PIMREG: variants seen among roughly 807,000 people sequenced by gnomAD.
PIMREG encodes the protein PICALM interacting mitotic regulator, also known as protein PIMREG.
A neutral mutation model predicts 24.3 loss-of-function variants in PIMREG; 19 were observed. The ratio of observed to expected loss-of-function variants is 0.78; its 90% CI spans 0.54 to 1.15. The LOEUF (loss-of-function observed/expected upper bound fraction) is 1.15. Among genes scored for constraint, PIMREG ranks in the 50% most tolerant of loss-of-function variants. The pLI is 0.00. For missense variants in PIMREG, 283 were observed against 306.8 expected (o/e 0.92, Z 0.58); for synonymous variants, 112 against 124.1 (o/e 0.90, Z 0.65).
At position 6,444,731 on chromosome 17, in the gene PIMREG, C is replaced by G. The variant is rs1223994806; in HGVS notation, c.-36+243C>G. ...TGGGCGGGTGCGCGTTTGGTCTGGG[C>G]GAGCTGGTGAAGAAGATGGTGATCG... is the stretch of plus-strand genomic sequence containing the variant. On this transcript the variant is annotated intron_variant, in intron 1 of 5. Coordinates refer to ENST00000572447, the MANE Select transcript of PIMREG (RefSeq NM_019013.3). The surrounding 1 kb of genome is among the most constrained non-coding windows in gnomAD (Gnocchi z 4.3). Among the ~76,000 whole-genome samples, 1 of 151,974 alleles carries G rather than the reference C, an allele frequency of 6.6e-6. No individual in the cohort carries two copies. The highest frequency in any genetic ancestry group is 1.5e-5 in the Non-Finnish European group (1 of 67,996).
At chr17:6,449,204 C>A in intron 3 of PIMREG, 108 bp from the exon 4 acceptor site, 2 of 852,510 alleles carry the variant, frequency 2.3e-6, no homozygotes, top group Non-Finnish European at 3.6e-6. Flanking sequence ...TGAAGCCCAG[C>A]CCGCCAGGGT....
At chr17:6,446,424 G>C (rs56264766) in intron 2 of PIMREG, among the ~76,000 whole-genome samples, 26 of 152,002 alleles carry the variant, frequency 1.7e-4, no homozygotes, top group Non-Finnish European at 3.2e-4. Context: ...CCAAATGTTA[G>C]TCCTTATTTG....
rs940897642 is a variant in PIMREG, at chr17:6,450,412, C to T, written c.*65C>T. 1.3e-6 allele frequency: 2 copies of T among 1,570,650 alleles called. No homozygotes were observed. The highest frequency in any genetic ancestry group is 1.8e-5 in the Admixed American group (1 of 55,580). On this transcript the variant is annotated 3_prime_UTR_variant, in exon 6 of 6. Coordinates refer to ENST00000572447, the MANE Select transcript of PIMREG (RefSeq NM_019013.3). Reference sequence around the variant, plus strand: ...GGCTTCATACTCAAGGATGTCTATGCTTCCCCGTGAGCTTCCTGGAAAAAA... The same window carrying T: ...GGCTTCATACTCAAGGATGTCTATGTTTCCCCGTGAGCTTCCTGGAAAAAA...
At position 6,445,309 on chromosome 17, in the gene PIMREG, C is replaced by T. The variant is rs779235053; in HGVS notation, c.199C>T (p.Pro67Ser). 1.2e-6 allele frequency: 2 copies of T among 1,613,982 alleles called. No homozygotes were observed. Among genetic ancestry groups the T allele is most frequent in the Non-Finnish European group, 8.5e-7 (1 of 1,180,022 alleles). The change falls in exon 2 of 6, where the codon CCC (proline) becomes TCC (serine). Residue 67 changes from proline to serine, a missense_variant. Coordinates refer to ENST00000572447, the MANE Select transcript of PIMREG (RefSeq NM_019013.3). ...RAVNLNLRAG[P>S]SWKRLETPEP... ...CGTCAACCTCAACCTCCGCGCAGGGCCCTCCTGGAAACGCCTGGAAACCCC... is the reference window on the plus strand; with the variant it reads ...CGTCAACCTCAACCTCCGCGCAGGGTCCTCCTGGAAACGCCTGGAAACCCC...
chr17:6,446,021 C>G lies in PIMREG; in HGVS notation c.294+617C>G, dbSNP rs117970672. On this transcript the variant is annotated intron_variant, in intron 2 of 5. Transcript: ENST00000572447. The stretch of plus-strand genomic sequence containing the variant: ...GTCTAATTAGCATATTAGAATTTGC[C>G]CTTTAGCTACATGATGGAGAAGGGA... 417 of 400,974 alleles carry G rather than the reference C, an allele frequency of 1.0e-3. 1 individual carries two copies. The highest frequency in any genetic ancestry group is 4.7e-3 in the East Asian group (131 of 28,064). 24.8% of individuals were successfully genotyped at this position (400,974 alleles called of 1,614,324 possible). A position where few individuals can be genotyped will look rare whatever the true frequency, so the allele number is the denominator to read the frequency against.
In PIMREG at chr17:6,451,134, T is replaced by C. The variant is rs1271542926; in HGVS notation, c.*787T>C. Reference sequence around the variant, plus strand: ...CCCACACCACTCTGGGCTATAGATTTGTAATTTGTGGTTTGGGGTCTGGCC... The same window carrying C: ...CCCACACCACTCTGGGCTATAGATTCGTAATTTGTGGTTTGGGGTCTGGCC... On this transcript the variant is annotated 3_prime_UTR_variant, in exon 6 of 6. Coordinates refer to ENST00000572447, the MANE Select transcript of PIMREG (RefSeq NM_019013.3). 1 of 152,180 alleles carries C rather than the reference T, an allele frequency of 6.6e-6. No individual in the cohort carries two copies. Among genetic ancestry groups the C allele is most frequent in the Non-Finnish European group, 1.5e-5 (1 of 68,038 alleles). The allele number at this position is 152,180 out of a possible 1,614,324, so 9.4% of individuals were successfully genotyped here.
rs773771421 is a variant in PIMREG at position 6,447,652 on chromosome 17, C to T, written c.484C>T (p.Arg162Cys). 160 of 1,614,034 alleles carry T rather than the reference C, an allele frequency of 9.9e-5. No homozygotes were observed. In the East Asian group the frequency reaches 2.8e-3, roughly 28 times the overall value. Residue 162 changes from arginine to cysteine, a missense_variant, in exon 3 of 6, where the codon CGC (arginine) becomes TGC (cysteine). Arg to Cys is a radical substitution (Grantham distance 180). Transcript: ENST00000572447. ...AADPWEKEHHRLSVRMGSHAH... is the reference protein window; with the variant it reads ...AADPWEKEHHCLSVRMGSHAH... ...AGACCCCTGGGAGAAGGAGCATCAC[C>T]GCCTCTCTGTCCGGATGGGCTCACA...
At position 6,450,370 on chromosome 17, in the gene PIMREG, C is replaced by A. The variant is rs1913778584; in HGVS notation, c.*23C>A. 3 of 1,561,978 alleles carry A rather than the reference C, an allele frequency of 1.9e-6. No individual in the cohort carries two copies. The highest frequency in any genetic ancestry group is 2.3e-5 in the South Asian group (2 of 85,928). ...GCAGCTCTGTCTTGAAGGAAACAAG[C>A]CCTGTCTGACCGCCAAGGCTTCATA... On this transcript the variant is annotated 3_prime_UTR_variant, in exon 6 of 6. Coordinates refer to ENST00000572447, the MANE Select transcript of PIMREG (RefSeq NM_019013.3).
At position 6,444,997 on chromosome 17, in the gene PIMREG, C is replaced by T. The variant is rs940533390; in HGVS notation, c.-35-79C>T. 1.7e-6 allele frequency: 2 copies of T among 1,147,622 alleles called. No homozygotes were observed. Among genetic ancestry groups the T allele is most frequent in the African/African-American group, 3.1e-5 (2 of 64,258 alleles). The allele number at this position is 1,147,622 out of a possible 1,614,324, so 71.1% of individuals were successfully genotyped here. A position where few individuals can be genotyped will look rare whatever the true frequency, so the allele number is the denominator to read the frequency against. On this transcript the variant is annotated intron_variant, in intron 1 of 5. Transcript: ENST00000572447. This position sits in a 1 kb window ranked among gnomAD's most constrained non-coding sequence, Gnocchi z 4.3. Reference sequence around the variant, plus strand: ...ACCCCGCTGCATCCCGTCTCTTCCCCTGTGTCCAGGGTCTCTGTGGGGCCT... The same window carrying T: ...ACCCCGCTGCATCCCGTCTCTTCCCTTGTGTCCAGGGTCTCTGTGGGGCCT...
Position 6,447,443 on chromosome 17 carries a change from T to G in PIMREG, c.295-20T>G. ...ACTTTTGGTTTTGTCTGTGCTAACC[T>G]TTCCATTTGCCTGTTCCAGAGAATC... On this transcript the variant is annotated intron_variant, in intron 2 of 5. Transcript: ENST00000572447. The G allele has an allele frequency of 6.2e-7, 1 of 1,610,118 alleles. No individual in the cohort carries two copies. The highest frequency in any genetic ancestry group is 8.5e-7 in the Non-Finnish European group (1 of 1,177,330).
chr17:6,448,172 C>G (rs1004270166), intron 3 of PIMREG, among the ~76,000 whole-genome samples: 10 of 149,044 alleles, frequency 6.7e-5, no homozygotes, highest in Admixed American at 6.1e-4. Context: ...AATCCCAGCT[C>G]CTTGGGAGGT....
chr17:6,449,259 C>T lies in PIMREG; in HGVS notation c.591-53C>T, dbSNP rs530447444. 3 of 1,515,366 alleles carry T rather than the reference C, an allele frequency of 2.0e-6. No individual in the cohort carries two copies. The South Asian group carries it at 3.7e-5, about 19-fold the overall frequency. 93.9% of individuals were successfully genotyped at this position (1,515,366 alleles called of 1,614,324 possible). A position where few individuals can be genotyped will look rare whatever the true frequency, so the allele number is the denominator to read the frequency against. ...CACCCCGGTACCGGGTTGCAAGGGT[C>T]TCCTGCCGGGAGTTTCCAACTAGTC... On this transcript the variant is annotated intron_variant, in intron 3 of 5. Transcript: ENST00000572447.
Position 6,445,308 on chromosome 17 carries a change from G to A in PIMREG, c.198G>A (p.Gly66=), listed in dbSNP as rs567814545. Residue 66 remains glycine, a synonymous_variant, in exon 2 of 6, where the codon GGG becomes GGA. Transcript: ENST00000572447. ...CCGTCAACCTCAACCTCCGCGCAGG[G>A]CCCTCCTGGAAACGCCTGGAAACCC... ...LRAVNLNLRA[G]PSWKRLETPE... The A allele has an allele frequency of 6.2e-7, 1 of 1,614,110 alleles. No homozygotes were observed. The highest frequency in any genetic ancestry group is 1.3e-5 in the African/African-American group (1 of 75,014).
intron 2 of PIMREG, chr17:6,446,188 G>GT: frequency 2.5e-6 from 1 of 401,228 alleles, no homozygotes; most frequent in East Asian, 3.6e-5. Flanking sequence ...TATATTGGAT[G>GT]TAAGTGTCTG....
At chr17:6,449,631 T>C in intron 4 of PIMREG, 1 of 1,296,866 alleles carries the variant, frequency 7.7e-7, no homozygotes, top group Non-Finnish European at 1.0e-6. Context: ...TTCTGGGCCT[T>C]GGGACCCCAT....
chr17:6,450,278 AC>A, intron 5 of PIMREG, 83 bp from the exon 6 acceptor site: 9 of 1,320,266 alleles, frequency 6.8e-6, no homozygotes, highest in East Asian at 2.5e-5. Context: ...ACCTTCCAGC[AC>A]CCCCCACCCC....
Position 6,447,521 on chromosome 17 carries a change from C to A in PIMREG, c.353C>A (p.Ala118Asp). The A allele has an allele frequency of 6.2e-7, 1 of 1,614,090 alleles. No homozygotes were observed. Among genetic ancestry groups the A allele is most frequent in the Non-Finnish European group, 8.5e-7 (1 of 1,179,958 alleles). The part of the protein sequence containing the change: ...TKWLVETQVK[A>D]RRRKRGAQKG... ...TGGCTGGTGGAGACCCAGGTGAAGG[C>A]CAGGAGGCGGAAGAGAGGAGCACAG... Residue 118 changes from alanine to aspartate, a missense_variant, in exon 3 of 6, where the codon GCC (alanine) becomes GAC (aspartate). Transcript: ENST00000572447.
At chr17:6,448,163 A>G (rs887207875) in intron 3 of PIMREG, among the ~76,000 whole-genome samples, 2 of 151,634 alleles carry the variant, frequency 1.3e-5, no homozygotes, top group Non-Finnish European at 2.9e-5. Context: ...CACGCCTGTA[A>G]TCCCAGCTCC....
intron 3 of PIMREG, among the ~76,000 whole-genome samples, 168 bp from the exon 4 acceptor site, chr17:6,449,141 ATCT>A (rs1448870877): frequency 6.6e-6 from 1 of 152,124 alleles, no homozygotes; most frequent in African/African-American, 2.4e-5. Flanking sequence ...GTGGATCTTG[ATCT>A]TCTCTCTGTT....
Sources: allele counts gnomAD v4.1 joint callset (sites outside exome capture counted in the v4.1 genomes callset), GRCh38; gene constraint gnomAD v4.1.1; non-coding constraint Gnocchi (gnomAD v3.1); transcripts MANE v1.5; gene names NCBI Gene and HGNC (gene_info 2026-07-23, HGNC 2026-07-21).